DCC: variants seen among roughly 807,000 people sequenced by gnomAD.
DCC encodes netrin receptor DCC.
Under a neutral mutation model 172.5 loss-of-function variants are expected in DCC, and 58 were observed. That is an observed-to-expected ratio of 0.34 (90% confidence interval 0.27 to 0.42). The LOEUF (loss-of-function observed/expected upper bound fraction) is 0.42. Among genes scored for constraint, DCC ranks in the 10% least tolerant of loss-of-function variants. The pLI, the probability that DCC is intolerant of heterozygous loss-of-function variation, is 1.00. For missense variants in DCC, 1,740 were observed against 1,791.0 expected (o/e 0.97, Z 0.51); for synonymous variants, 709 against 644.5 (o/e 1.10, Z -1.52).
At chr18:52,987,954 A>C (rs2041321352) in intron 5 of DCC, among the ~76,000 whole-genome samples, 1 of 152,236 alleles carries the variant, frequency 6.6e-6, no homozygotes, top group Non-Finnish European at 1.5e-5. Context: ...CAAGAAACTC[A>C]AGCTATTTAA....
At chr18:52,494,521 C>A (rs1481957356) in intron 1 of DCC, among the ~76,000 whole-genome samples, 1 of 151,934 alleles carries the variant, frequency 6.6e-6, no homozygotes, top group African/African-American at 2.4e-5. Flanking sequence ...CGATATTTTT[C>A]ATTTTCAATT....
chr18:53,360,968 TG>T (rs2057938612), intron 15 of DCC, among the ~76,000 whole-genome samples: 1 of 152,160 alleles, frequency 6.6e-6, no homozygotes, highest in Admixed American at 6.6e-5. Flanking sequence ...AACCTGTGAC[TG>T]TGACCTTAGA....
intron 15 of DCC, among the ~76,000 whole-genome samples, chr18:53,344,667 C>T (rs906791386): frequency 6.6e-6 from 1 of 151,302 alleles, no homozygotes; most frequent in African/African-American, 2.4e-5. Flanking sequence ...GTCTTGAACT[C>T]CTGATGTCAT....
At chr18:52,903,742 C>G (rs754602458) in intron 2 of DCC, among the ~76,000 whole-genome samples, 1 of 152,142 alleles carries the variant, frequency 6.6e-6, no homozygotes, top group African/African-American at 2.4e-5. Context: ...CAAATTTGTG[C>G]GAAACTCATT....
chr18:52,989,073 T>C (rs2041340433), intron 5 of DCC, among the ~76,000 whole-genome samples: 1 of 152,120 alleles, frequency 6.6e-6, no homozygotes, highest in Admixed American at 6.5e-5. Context: ...TAAATTCTTA[T>C]AAATATTTTT....
chr18:53,261,435 G>T (rs149873633), intron 12 of DCC, among the ~76,000 whole-genome samples: 248 of 152,226 alleles, frequency 1.6e-3, no homozygotes, highest in African/African-American at 5.7e-3. Context: ...TTTGGCCAGG[G>T]CTCAGTTTCA....
At chr18:53,128,870 C>CACACACATATATAT (rs1300738812) in intron 7 of DCC, among the ~76,000 whole-genome samples, 2 of 77,480 alleles carry the variant, frequency 2.6e-5, no homozygotes, top group Non-Finnish European at 4.6e-5. Flanking sequence ...CACACACACA[C>CACACACATATATAT]ATATATATAT....
rs140468323 is a variant in DCC at position 52,646,926 on chromosome 18, C to T, written c.92-105128C>T. ...GGTCTTTTTGACGACCATCCTAAGT[C>T]TATTTAGGAGGCCCACTCCAAGACA... On this transcript the variant is annotated intron_variant, in intron 1 of 28. Transcript: ENST00000442544. Among the ~76,000 whole-genome samples, 40 of 152,260 alleles carry T rather than the reference C, an allele frequency of 2.6e-4. No homozygotes were observed. The East Asian group carries it at 7.5e-3, about 29-fold the overall frequency.
chr18:52,709,170 T>C (rs563962982), intron 1 of DCC, among the ~76,000 whole-genome samples: 1 of 152,274 alleles, frequency 6.6e-6, no homozygotes, highest in South Asian at 2.1e-4. Flanking sequence ...AGAAAACTCA[T>C]CCTCAGAGAG....
At chr18:52,805,501 A>T (rs1795200916) in intron 2 of DCC, among the ~76,000 whole-genome samples, 1 of 152,228 alleles carries the variant, frequency 6.6e-6, no homozygotes, top group Non-Finnish European at 1.5e-5. Context: ...GAGGAGAGAG[A>T]AGAGCCAGAG....
chr18:53,374,309 T>C (rs1330239132), intron 15 of DCC, among the ~76,000 whole-genome samples: 2 of 152,192 alleles, frequency 1.3e-5, no homozygotes, highest in East Asian at 1.9e-4. Flanking sequence ...TGCTGTTTTA[T>C]AGTATTTAGT....
At chr18:53,037,268 G>A (rs890459162) in intron 5 of DCC, among the ~76,000 whole-genome samples, 9 of 152,000 alleles carry the variant, frequency 5.9e-5, no homozygotes, top group Non-Finnish European at 1.0e-4. Flanking sequence ...GGAAAATTTG[G>A]AGGATAAATG....
rs995280576 is a variant in DCC, at chr18:52,717,042, T to C, written c.92-35012T>C. Reference sequence around the variant, plus strand: ...GCCTATTCATCTGTGTCCAGTAAAGTGTAGCAAGTATCAGACCACATGAAT... The same window carrying C: ...GCCTATTCATCTGTGTCCAGTAAAGCGTAGCAAGTATCAGACCACATGAAT... On this transcript the variant is annotated intron_variant, in intron 1 of 28. Transcript: ENST00000442544. Among the ~76,000 whole-genome samples the C allele has an allele frequency of 3.9e-5, 6 of 152,112 alleles. No homozygotes were observed. In the South Asian group the frequency reaches 8.3e-4, roughly 21 times the overall value.
chr18:53,134,422 A>G (rs1269035705), intron 7 of DCC, among the ~76,000 whole-genome samples: 2 of 152,132 alleles, frequency 1.3e-5, no homozygotes, highest in East Asian at 1.9e-4. Flanking sequence ...CTCAATCTGG[A>G]TTATATATAA....
intron 12 of DCC, among the ~76,000 whole-genome samples, chr18:53,297,317 A>C (rs1351088758): frequency 6.6e-6 from 1 of 152,308 alleles, no homozygotes; most frequent in East Asian, 1.9e-4. Flanking sequence ...CTTTTCCATC[A>C]GGTTTACTTG....
chr18:52,586,874 T>A (rs1442522645), intron 1 of DCC, among the ~76,000 whole-genome samples: 1 of 152,164 alleles, frequency 6.6e-6, no homozygotes, highest in Non-Finnish European at 1.5e-5. Context: ...TTCAGGATGA[T>A]GGGAAACATG....
intron 2 of DCC, among the ~76,000 whole-genome samples, chr18:52,896,754 C>T (rs1324419958): frequency 3.3e-5 from 5 of 152,138 alleles, no homozygotes; most frequent in Non-Finnish European, 5.9e-5. Flanking sequence ...AGCCAGCTCA[C>T]GCTTGTCTGA....
chr18:53,009,374 C>G (rs910906696), intron 5 of DCC, among the ~76,000 whole-genome samples: 1 of 151,914 alleles, frequency 6.6e-6, no homozygotes, highest in African/African-American at 2.4e-5. Flanking sequence ...TAAATTTTCC[C>G]TGGCATTACC....
chr18:52,469,916 G>T (rs745574648), intron 1 of DCC, among the ~76,000 whole-genome samples: 5 of 152,272 alleles, frequency 3.3e-5, no homozygotes, highest in Non-Finnish European at 7.4e-5. Flanking sequence ...GAGGAGAAAG[G>T]CCTGGAAGTG....
Sources: allele counts gnomAD v4.1 joint callset (sites outside exome capture counted in the v4.1 genomes callset), GRCh38; gene constraint gnomAD v4.1.1; transcripts MANE v1.5; gene names NCBI Gene and HGNC (gene_info 2026-07-23, HGNC 2026-07-21).